Variants in DAAM2 observed in about 807,000 individuals in gnomAD.
DAAM2 encodes the protein disheveled-associated activator of morphogenesis 2.
Under a neutral mutation model 120.7 loss-of-function variants are expected in DAAM2, and 39 were observed. The observed-to-expected ratio is 0.32, with a 90% CI of 0.25 to 0.42. The LOEUF (loss-of-function observed/expected upper bound fraction) is 0.42. Ranked by LOEUF, DAAM2 falls within the 10% of genes least tolerant of loss-of-function variation. The pLI is 1.00. For missense variants in DAAM2, 1,283 were observed against 1,401.7 expected (o/e 0.92, Z 1.35); for synonymous variants, 488 against 524.9 (o/e 0.93, Z 0.96).
rs1392951197 is a variant in DAAM2, at chr6:39,871,371, T to G, written c.978-135T>G. 11 of 790,900 alleles carry G rather than the reference T, an allele frequency of 1.4e-5. 1 individual carries two copies. Among genetic ancestry groups the G allele is most frequent in the Non-Finnish European group, 2.4e-5 (11 of 464,230 alleles). The allele number at this position is 790,900 out of a possible 1,614,324, so 49.0% of individuals were successfully genotyped here. On this transcript the variant is annotated intron_variant, in intron 8 of 24. Coordinates refer to ENST00000274867, the MANE Select transcript of DAAM2 (RefSeq NM_001201427.2). ...GGTGTCCTACAAACAGCGGCTTCTT[T>G]CCCATTTTGCCTTCATTTTGCTTGA...
chr6:39,825,329 C>T (rs1169921183), intron 1 of DAAM2, among the ~76,000 whole-genome samples: 2 of 151,618 alleles, frequency 1.3e-5, no homozygotes, highest in Non-Finnish European at 2.9e-5. Flanking sequence ...GTGGAGGTTG[C>T]AGCGAACTGA....
intron 5 of DAAM2, among the ~76,000 whole-genome samples, chr6:39,866,566 A>G (rs908677592): frequency 2.0e-5 from 3 of 152,206 alleles, no homozygotes; most frequent in South Asian, 4.1e-4. Flanking sequence ...GCCTAGGTGA[A>G]ACTTATGGAC....
At position 39,871,534 on chromosome 6, in the gene DAAM2, AATG is replaced by A. The variant is rs1764662657; in HGVS notation, c.1008_1010del (p.Asn336_Glu337delinsLys). On this transcript the variant is annotated inframe_deletion, in exon 9 of 25. Transcript: ENST00000274867. ...TTTAGACTTCTTCGAGATGGTGCGG[AATG>A]AGGATGACCTGGAGCTAGCCAGGAG... 1.3e-6 allele frequency: 2 copies of A among 1,551,210 alleles called. No individual in the cohort carries two copies. Among genetic ancestry groups the A allele is most frequent in the African/African-American group, 2.7e-5 (2 of 72,990 alleles).
intron 7 of DAAM2, 29 bp downstream of exon 7, chr6:39,868,962 T>C (rs1176812276): frequency 6.8e-7 from 1 of 1,473,086 alleles, no homozygotes; most frequent in Non-Finnish European, 9.3e-7. Context: ...GCCCTTGCTG[T>C]TCCCTGACTT....
chr6:39,870,718 T>A (rs549842576), intron 8 of DAAM2, among the ~76,000 whole-genome samples: 3 of 152,248 alleles, frequency 2.0e-5, no homozygotes, highest in African/African-American at 7.2e-5. Context: ...TATATGAGGG[T>A]ACTCTTTGGT....
chr6:39,797,443 A>G lies in DAAM2; in HGVS notation c.-57+4978A>G, dbSNP rs115803814. ...TCACAGCCCAAATTCTGAGGACTTA[A>G]AAAACTTACCATATTTCACACCTTA... is the stretch of plus-strand genomic sequence containing the variant. On this transcript the variant is annotated intron_variant, in intron 1 of 24. Transcript: ENST00000274867. Among the ~76,000 whole-genome samples the G allele has an allele frequency of 2.6e-3, 393 of 152,358 alleles. 3 individuals carry two copies. Among genetic ancestry groups the G allele is most frequent in the African/African-American group, 9.2e-3 (381 of 41,584 alleles).
intron 1 of DAAM2, among the ~76,000 whole-genome samples, chr6:39,849,195 G>A (rs759123382): frequency 2.0e-5 from 3 of 152,154 alleles, no homozygotes; most frequent in Admixed American, 6.5e-5. Context: ...TGGGCCATAC[G>A]GTCTCTGTTG....
chr6:39,837,041 A>T (rs994763764), intron 1 of DAAM2, among the ~76,000 whole-genome samples: 2 of 152,136 alleles, frequency 1.3e-5, no homozygotes, highest in African/African-American at 4.8e-5. Context: ...CTAAGTCAAC[A>T]TCTCTGGGAG....
intron 1 of DAAM2, among the ~76,000 whole-genome samples, chr6:39,816,503 A>G (rs62401818): frequency 0.014 from 2,105 of 152,280 alleles, 22 homozygotes; most frequent in South Asian, 0.042. Flanking sequence ...TACGAGAACC[A>G]CAAAACTTCT....
chr6:39,862,842 A>G (rs903624854), intron 3 of DAAM2: 1 of 141,532 alleles, frequency 7.1e-6, no homozygotes, highest in African/African-American at 2.5e-5. Context: ...AAAAAGATTT[A>G]TTAAAATAGA....
chr6:39,797,369 C>T (rs1761732268), intron 1 of DAAM2, among the ~76,000 whole-genome samples: 1 of 152,176 alleles, frequency 6.6e-6, no homozygotes, highest in Non-Finnish European at 1.5e-5. Flanking sequence ...GGTACATTGT[C>T]TCATTTAAAC....
At chr6:39,825,804 G>A (rs756281825) in intron 1 of DAAM2, among the ~76,000 whole-genome samples, 5 of 152,146 alleles carry the variant, frequency 3.3e-5, no homozygotes, top group Non-Finnish European at 7.3e-5. Context: ...TTGGATGTGG[G>A]ATTCTCTTGC....
At chr6:39,861,194 C>T (rs1178848208) in intron 3 of DAAM2, 177 bp downstream of exon 3, 2 of 687,982 alleles carry the variant, frequency 2.9e-6, no homozygotes, top group African/African-American at 3.5e-5. Flanking sequence ...CTGGAGCTTA[C>T]ACTCAAAGAA....
chr6:39,793,500 G>C (rs1308670621), intron 1 of DAAM2, among the ~76,000 whole-genome samples: 3 of 152,040 alleles, frequency 2.0e-5, no homozygotes, highest in African/African-American at 4.8e-5. Context: ...AACGTTTCTC[G>C]GAGGGTTAGA....
intron 6 of DAAM2, chr6:39,868,480 T>G: frequency 3.6e-6 from 1 of 277,772 alleles, no homozygotes; most frequent in Non-Finnish European, 6.9e-6. Context: ...ATAAAAGCAG[T>G]GTCCATACCA....
intron 10 of DAAM2, among the ~76,000 whole-genome samples, chr6:39,874,202 C>T (rs943603592): frequency 6.6e-6 from 1 of 152,086 alleles, no homozygotes; most frequent in African/African-American, 2.4e-5. Context: ...TGAGGCTCAG[C>T]GAGATATTTA....
At chr6:39,812,601 C>A (rs1203558210) in intron 1 of DAAM2, among the ~76,000 whole-genome samples, 4 of 142,036 alleles carry the variant, frequency 2.8e-5, no homozygotes, top group African/African-American at 9.9e-5. Flanking sequence ...CCCCACCCTG[C>A]CCCTGTCAGC....
intron 1 of DAAM2, among the ~76,000 whole-genome samples, chr6:39,828,589 A>C (rs1421895628): frequency 1.3e-5 from 1 of 79,678 alleles, no homozygotes; most frequent in Non-Finnish European, 2.4e-5. Context: ...TTTGAGACGG[A>C]TTCTTGCTCT....
In DAAM2 at chr6:39,901,299, C is replaced by T. The variant is rs1766465520; in HGVS notation, c.2812-3C>T. 5 of 1,612,314 alleles carry T rather than the reference C, an allele frequency of 3.1e-6. No homozygotes were observed. The highest frequency in any genetic ancestry group is 2.2e-5 in the South Asian group (2 of 90,786). On this transcript the variant is annotated splice_region_variant and splice_polypyrimidine_tract_variant and intron_variant, in intron 23 of 24. Transcript: ENST00000274867. The surrounding 1 kb of genome is among the most constrained non-coding windows in gnomAD (Gnocchi z 4.5). ...CCACCAATCCTGTTCTGTCCCTTGA[C>T]AGTTCGCCAAGGCCTTGATGCACTT...
Sources: allele counts gnomAD v4.1 joint callset (sites outside exome capture counted in the v4.1 genomes callset), GRCh38; gene constraint gnomAD v4.1.1; non-coding constraint Gnocchi (gnomAD v3.1); transcripts MANE v1.5; gene names NCBI Gene and HGNC (gene_info 2026-07-23, HGNC 2026-07-21).